Variants in FGF14 observed in about 807,000 individuals in gnomAD.
The protein encoded by FGF14 is fibroblast growth factor homologous factor 4.
FGF14 carries 5 observed loss-of-function variants against 25.5 expected under a neutral mutation model. The observed-to-expected ratio is 0.20, with a 90% CI of 0.10 to 0.41. FGF14 has a LOEUF of 0.41. Ranked by LOEUF, FGF14 falls within the 10% of genes least tolerant of loss-of-function variation. FGF14 has a pLI of 1.00. For synonymous variants in FGF14, 138 were observed against 118.3 expected, an observed-to-expected ratio of 1.17 and a Z score of -1.08; for missense variants, 222 against 320.1, an observed-to-expected ratio of 0.69 and a Z score of 2.34.
intron 1 of FGF14, among the ~76,000 whole-genome samples, chr13:102,072,254 T>A (rs1188970088): frequency 2.0e-5 from 3 of 152,208 alleles, no homozygotes; most frequent in Non-Finnish European, 4.4e-5. Context: ...AAAAGTAGCA[T>A]TAACTCTTGG....
At chr13:102,276,353 GTATATA>G (rs10574334) in intron 1 of FGF14, among the ~76,000 whole-genome samples, 1,604 of 103,202 alleles carry the variant, frequency 0.016, 15 homozygotes, top group African/African-American at 0.022. Context: ...GTGTGTGTGT[GTATATA>G]TATATATATA....
At chr13:101,945,858 A>C (rs973658617) in intron 1 of FGF14, among the ~76,000 whole-genome samples, 2 of 152,178 alleles carry the variant, frequency 1.3e-5, no homozygotes, top group Admixed American at 6.5e-5. Flanking sequence ...GTTGCCCTCC[A>C]TGGTGGCATG....
At chr13:101,866,590 A>C (rs2044719253) in intron 3 of FGF14, among the ~76,000 whole-genome samples, 1 of 105,438 alleles carries the variant, frequency 9.5e-6, no homozygotes, top group Admixed American at 1.1e-4. Flanking sequence ...TATTGTATAG[A>C]TATAGCTATT....
intron 1 of FGF14, among the ~76,000 whole-genome samples, chr13:102,360,085 A>G (rs571590814): frequency 6.6e-6 from 1 of 152,322 alleles, no homozygotes; most frequent in South Asian, 2.1e-4. Flanking sequence ...ATATGGATTC[A>G]TTACTCATTT....
intron 1 of FGF14, among the ~76,000 whole-genome samples, chr13:102,029,776 G>A (rs1211282376): frequency 6.6e-6 from 1 of 152,126 alleles, no homozygotes; most frequent in Non-Finnish European, 1.5e-5. Flanking sequence ...AAACAGAACT[G>A]ATGTTTTCTT....
chr13:102,237,446 G>A (rs1227361895), intron 1 of FGF14, among the ~76,000 whole-genome samples: 2 of 152,200 alleles, frequency 1.3e-5, no homozygotes, highest in Admixed American at 6.5e-5. Context: ...TCCCTGCGAG[G>A]GGCGCATGCC....
chr13:102,185,329 C>T lies in FGF14; in HGVS notation c.208+216142G>A, dbSNP rs188785710. Among the ~76,000 whole-genome samples the T allele has an allele frequency of 3.2e-4, 48 of 152,120 alleles. 1 individual carries two copies. Among genetic ancestry groups the T allele is most frequent in the Admixed American group, 2.4e-3 (37 of 15,254 alleles). On this transcript the variant is annotated intron_variant, in intron 1 of 4. Transcript: ENST00000376131. ...CATGAGAAGAAAGGTAACAGGAAAA[C>T]GATATTTTTATTTATACTGTATTGA...
Position 102,359,194 on chromosome 13 carries a change from A to G in FGF14, c.208+42277T>C, listed in dbSNP as rs1218948883. Among the ~76,000 whole-genome samples the G allele has an allele frequency of 2.0e-5, 3 of 152,148 alleles. No individual in the cohort carries two copies. The East Asian group carries it at 5.8e-4, about 29-fold the overall frequency. ...TGGGGGTGGGGGGAAGGAGATCATC[A>G]AGATAAATAGCTAATGCATCCTGGG... On this transcript the variant is annotated intron_variant, in intron 1 of 4. Transcript: ENST00000376131.
At chr13:101,992,849 T>C (rs1435749729) in intron 1 of FGF14, among the ~76,000 whole-genome samples, 2 of 151,744 alleles carry the variant, frequency 1.3e-5, no homozygotes, top group Non-Finnish European at 2.9e-5. Context: ...ATTAAAAAGG[T>C]ATACCTTACA....
chr13:102,285,173 T>C (rs537888090), intron 1 of FGF14, among the ~76,000 whole-genome samples: 8 of 152,202 alleles, frequency 5.3e-5, no homozygotes, highest in Non-Finnish European at 1.2e-4. Context: ...ATAATACTCA[T>C]GAGTCCATAA....
intron 3 of FGF14, among the ~76,000 whole-genome samples, chr13:101,780,647 G>C (rs1488104112): frequency 6.6e-6 from 1 of 152,016 alleles, no homozygotes; most frequent in Non-Finnish European, 1.5e-5. Context: ...TGGTGCACTT[G>C]ACATGTCTTT....
chr13:102,305,403 T>C (rs2055319932), intron 1 of FGF14, among the ~76,000 whole-genome samples: 1 of 152,120 alleles, frequency 6.6e-6, no homozygotes, highest in Non-Finnish European at 1.5e-5. Flanking sequence ...TAAAATATAA[T>C]AATAACCAAT....
At chr13:102,171,281 C>A (rs923941989) in intron 1 of FGF14, among the ~76,000 whole-genome samples, 1 of 152,172 alleles carries the variant, frequency 6.6e-6, no homozygotes, top group African/African-American at 2.4e-5. Context: ...ACACTTACAA[C>A]TTCCCAAGAA....
At chr13:102,312,063 C>T (rs1421927143) in intron 1 of FGF14, among the ~76,000 whole-genome samples, 1 of 152,130 alleles carries the variant, frequency 6.6e-6, no homozygotes, top group East Asian at 1.9e-4. Flanking sequence ...AACTGCTTGA[C>T]GTTTGGTATG....
At chr13:102,205,217 G>A (rs1416752056) in intron 1 of FGF14, among the ~76,000 whole-genome samples, 1 of 152,120 alleles carries the variant, frequency 6.6e-6, no homozygotes, top group Non-Finnish European at 1.5e-5. Flanking sequence ...GTTAACCTGG[G>A]AATTATTTAA....
intron 1 of FGF14, among the ~76,000 whole-genome samples, chr13:102,390,311 A>C (rs540368795): frequency 1.3e-5 from 2 of 152,354 alleles, no homozygotes; most frequent in African/African-American, 4.8e-5. Flanking sequence ...CAAGCTATAA[A>C]GTTAAGACTG....
intron 1 of FGF14, among the ~76,000 whole-genome samples, chr13:101,913,060 T>C (rs1448896903): frequency 6.6e-6 from 1 of 152,226 alleles, no homozygotes; most frequent in Non-Finnish European, 1.5e-5. Context: ...TTATTTTTAA[T>C]TGTATCCAAT....
intron 1 of FGF14, among the ~76,000 whole-genome samples, chr13:102,029,033 T>C (rs1337497317): frequency 1.3e-5 from 2 of 151,984 alleles, no homozygotes; most frequent in Non-Finnish European, 2.9e-5. Flanking sequence ...GGTACAGAAA[T>C]AAAACATGGC....
rs1208945698 is a variant in FGF14, at chr13:102,189,015, AAT to A, written c.208+212454_208+212455del. Among the ~76,000 whole-genome samples, 490 of 70,448 alleles carry A rather than the reference AAT, an allele frequency of 7.0e-3. 3 individuals are homozygous for A. The highest frequency in any genetic ancestry group is 0.011 in the Non-Finnish European group (387 of 35,338). The allele number at this position is 70,448 out of a possible 152,430, so 46.2% of individuals were successfully genotyped here. ...AAGAAAGAAAGAAAGAAAGAGAAAG[AAT>A]GAAAGAAGAAAAGAAAGAAAGAAAG... On this transcript the variant is annotated intron_variant, in intron 1 of 4. Transcript: ENST00000376131.
Sources: allele counts gnomAD v4.1 joint callset (sites outside exome capture counted in the v4.1 genomes callset), GRCh38; gene constraint gnomAD v4.1.1; transcripts MANE v1.5; gene names NCBI Gene and HGNC (gene_info 2026-07-23, HGNC 2026-07-21).